STXBP5L: variants seen among roughly 807,000 people sequenced by gnomAD.
The protein encoded by STXBP5L is syntaxin binding protein 5L.
In STXBP5L, 65 loss-of-function variants were observed where a neutral mutation model predicts 144.5. The ratio of observed to expected loss-of-function variants is 0.45; its 90% CI spans 0.37 to 0.55. STXBP5L has a LOEUF of 0.55. STXBP5L is among the 20% of genes least tolerant of loss of function. The pLI, the probability that STXBP5L is intolerant of heterozygous loss-of-function variation, is 0.00. For missense variants in STXBP5L, 1,298 were observed against 1,405.5 expected (o/e 0.92, Z 1.22); for synonymous variants, 505 against 469.6 (o/e 1.08, Z -0.97).
At chr3:121,008,469 TG>T (rs1266487175) in intron 3 of STXBP5L, among the ~76,000 whole-genome samples, 2 of 152,046 alleles carry the variant, frequency 1.3e-5, no homozygotes, top group African/African-American at 4.8e-5. Flanking sequence ...AATGATGGTA[TG>T]AGGAAACCAT....
chr3:121,098,668 C>G (rs1013359405), intron 5 of STXBP5L, among the ~76,000 whole-genome samples: 4 of 152,118 alleles, frequency 2.6e-5, no homozygotes, highest in Non-Finnish European at 2.9e-5. Context: ...TGCTAAAGTT[C>G]AAGTTTTGTC....
intron 5 of STXBP5L, among the ~76,000 whole-genome samples, chr3:121,061,420 A>G (rs999571335): frequency 1.3e-5 from 2 of 152,118 alleles, no homozygotes; most frequent in African/African-American, 2.4e-5. Context: ...AATAAGTATG[A>G]TGTGGTGCTG....
chr3:121,133,720 G>A (rs2045108810), intron 7 of STXBP5L, among the ~76,000 whole-genome samples: 1 of 152,134 alleles, frequency 6.6e-6, no homozygotes, highest in Admixed American at 6.5e-5. Context: ...TCTGAGACTG[G>A]GTAATTTATA....
At position 121,238,846 on chromosome 3, in the gene STXBP5L, T is replaced by C. The variant is rs557724662; in HGVS notation, c.1185-125T>C. On this transcript the variant is annotated intron_variant, in intron 12 of 26. Transcript: ENST00000471454. ...TTTTGTTCATACAATTCTTGTTTTATGGTACTTAAAAAACAAGCAAAATTT... is the reference window on the plus strand; with the variant it reads ...TTTTGTTCATACAATTCTTGTTTTACGGTACTTAAAAAACAAGCAAAATTT... The C allele has an allele frequency of 3.2e-5, 30 of 926,346 alleles. No homozygotes were observed. In the African/African-American group the frequency reaches 4.4e-4, roughly 14 times the overall value. The allele number at this position is 926,346 out of a possible 1,614,324, so 57.4% of individuals were successfully genotyped here. A position where few individuals can be genotyped will look rare whatever the true frequency, so the allele number is the denominator to read the frequency against.
At chr3:121,163,947 A>T (rs556560966) in intron 9 of STXBP5L, among the ~76,000 whole-genome samples, 1 of 152,248 alleles carries the variant, frequency 6.6e-6, no homozygotes, top group East Asian at 1.9e-4. Flanking sequence ...AAACAGGTTT[A>T]TTGGGGTATA....
At chr3:121,047,549 A>G (rs991393829) in intron 5 of STXBP5L, among the ~76,000 whole-genome samples, 1 of 152,168 alleles carries the variant, frequency 6.6e-6, no homozygotes, top group African/African-American at 2.4e-5. Context: ...TGTTGGGTGC[A>G]TATATATTTA....
At chr3:121,033,668 A>C (rs1946542622) in intron 3 of STXBP5L, among the ~76,000 whole-genome samples, 1 of 151,898 alleles carries the variant, frequency 6.6e-6, no homozygotes, top group Non-Finnish European at 1.5e-5. Context: ...ATACATTACC[A>C]AGTAGTCTGT....
intron 9 of STXBP5L, among the ~76,000 whole-genome samples, chr3:121,171,717 A>G (rs765055059): frequency 6.6e-6 from 1 of 152,246 alleles, no homozygotes; most frequent in African/African-American, 2.4e-5. Flanking sequence ...AACAAATGGA[A>G]AAGCATTCCA....
intron 3 of STXBP5L, among the ~76,000 whole-genome samples, chr3:120,963,621 C>A (rs1441919069): frequency 6.6e-6 from 1 of 152,170 alleles, no homozygotes; most frequent in Non-Finnish European, 1.5e-5. Context: ...AGGGATGAAG[C>A]TGACTTGATC....
intron 9 of STXBP5L, among the ~76,000 whole-genome samples, chr3:121,169,409 A>T (rs1294328077): frequency 6.6e-6 from 1 of 152,192 alleles, no homozygotes; most frequent in Non-Finnish European, 1.5e-5. Flanking sequence ...TGGATAAAGA[A>T]TAAAGACCTA....
At chr3:121,097,661 C>G (rs946291639) in intron 5 of STXBP5L, among the ~76,000 whole-genome samples, 14 of 152,176 alleles carry the variant, frequency 9.2e-5, no homozygotes, top group African/African-American at 3.4e-4. Context: ...CCAACCATTC[C>G]CAGTGAGATG....
At chr3:121,372,380 C>A (rs906428170) in intron 20 of STXBP5L, among the ~76,000 whole-genome samples, 1 of 152,164 alleles carries the variant, frequency 6.6e-6, no homozygotes, top group South Asian at 2.1e-4. Flanking sequence ...CACTGGTCTG[C>A]TCCATTACAG....
At chr3:121,261,300 A>C (rs77696100) in intron 18 of STXBP5L, among the ~76,000 whole-genome samples, 2 of 152,310 alleles carry the variant, frequency 1.3e-5, no homozygotes, top group South Asian at 4.1e-4. Flanking sequence ...CCTCCACTGC[A>C]AAAATCCTAG....
At chr3:121,204,623 A>C (rs1428559936) in intron 9 of STXBP5L, among the ~76,000 whole-genome samples, 1 of 144,404 alleles carries the variant, frequency 6.9e-6, no homozygotes, top group Non-Finnish European at 1.6e-5. Context: ...TAATAGATAA[A>C]CAATGTATTA....
intron 3 of STXBP5L, among the ~76,000 whole-genome samples, chr3:120,956,381 T>C (rs1046801190): frequency 6.6e-6 from 1 of 151,940 alleles, no homozygotes; most frequent in Admixed American, 6.6e-5. Context: ...TCTGTTTCTA[T>C]AATTTTTACT....
intron 3 of STXBP5L, among the ~76,000 whole-genome samples, chr3:121,026,289 A>G (rs945917173): frequency 1.3e-5 from 2 of 151,892 alleles, no homozygotes; most frequent in Non-Finnish European, 2.9e-5. Context: ...GATCACCTGG[A>G]TTATTGCCTG....
intron 3 of STXBP5L, among the ~76,000 whole-genome samples, chr3:121,028,579 T>G (rs953072084): frequency 8.5e-5 from 13 of 152,126 alleles, no homozygotes; most frequent in African/African-American, 2.7e-4. Flanking sequence ...AGGAGATCTT[T>G]TAGAAATATT....
chr3:120,914,739 T>G (rs1258524090), intron 2 of STXBP5L, among the ~76,000 whole-genome samples: 2 of 152,160 alleles, frequency 1.3e-5, no homozygotes, highest in Non-Finnish European at 2.9e-5. Flanking sequence ...ATGTGTGGAT[T>G]TGTTACATTC....
chr3:121,314,859 A>G (rs1168284879), intron 19 of STXBP5L, among the ~76,000 whole-genome samples: 1 of 152,248 alleles, frequency 6.6e-6, no homozygotes, highest in African/African-American at 2.4e-5. Context: ...GAAGACATTT[A>G]CACAGCCAAA....
Sources: gnomAD v4.1 joint callset for allele counts (sites outside exome capture counted in the v4.1 genomes callset) on GRCh38, gnomAD v4.1.1 for gene constraint, MANE v1.5 for transcripts, NCBI Gene and HGNC (gene_info 2026-07-23, HGNC 2026-07-21) for gene names.